RFX8: variants seen among roughly 807,000 people sequenced by gnomAD.
RFX8 encodes regulatory factor X8, also known as DNA-binding protein RFX8.
A neutral mutation model predicts 54.6 loss-of-function variants in RFX8; 46 were observed. The ratio of observed to expected loss-of-function variants is 0.84; its 90% CI spans 0.67 to 1.08. RFX8 has a LOEUF of 1.08. Ranked by LOEUF, RFX8 falls within the 50% of genes least tolerant of loss-of-function variation. The probability of loss-of-function intolerance (pLI) is 0.00; values close to 1 mark genes in which losing one functional copy is unlikely to be tolerated. For synonymous variants in RFX8, 192 were observed against 209.5 expected (o/e 0.92, Z 0.72); for missense variants, 536 against 562.3 (o/e 0.95, Z 0.47).
At position 101,422,259 on chromosome 2, in the gene RFX8, T is replaced by G. The variant is rs1686908885; in HGVS notation, c.183+103A>C. On this transcript the variant is annotated intron_variant, in intron 3 of 11. Transcript: ENST00000428343. ...ACGGGTCCAGCAAAGGCAAACATTA[T>G]TCCATGTGACACAATCATGACCACA... 6 of 682,334 alleles carry G rather than the reference T, an allele frequency of 8.8e-6. No homozygotes were observed. The South Asian group carries it at 1.1e-4, about 12-fold the overall frequency. The allele number at this position is 682,334 out of a possible 1,614,324, so 42.3% of individuals were successfully genotyped here.
chr2:101,406,056 G>C lies in RFX8; in HGVS notation c.815C>G (p.Thr272Arg). The C allele has an allele frequency of 6.5e-7, 1 of 1,529,576 alleles. No homozygotes were observed. Among genetic ancestry groups the C allele is most frequent in the Non-Finnish European group, 8.8e-7 (1 of 1,134,404 alleles). The allele number at this position is 1,529,576 out of a possible 1,614,324, so 94.8% of individuals were successfully genotyped here. ...GGTAAACTCTTCTTTGCTTCTGCTT[G>C]TCTGTTAAGTTTTTGTGAGAAAAAA... ...SSHLQAFVFQTSRSKEEFTKL... is the reference protein window; with the variant it reads ...SSHLQAFVFQRSRSKEEFTKL... The change falls in exon 10 of 12, where the codon ACA (threonine) becomes AGA (arginine). Residue 272 changes from threonine (T) to arginine (R), a missense_variant and splice_region_variant. Physicochemically the swap from Thr to Arg is moderately conservative, Grantham distance 71. Coordinates refer to ENST00000428343, the MANE Select transcript of RFX8 (RefSeq NM_001145664.2).
At chr2:101,414,577 C>T (rs545703352) in intron 7 of RFX8, among the ~76,000 whole-genome samples, 27 of 152,036 alleles carry the variant, frequency 1.8e-4, no homozygotes, top group Non-Finnish European at 2.6e-4. Context: ...GCCTGGCCAT[C>T]GGGCATCTTT....
At chr2:101,430,415 G>A (rs2104610112) in intron 2 of RFX8, among the ~76,000 whole-genome samples, 1 of 152,306 alleles carries the variant, frequency 6.6e-6, no homozygotes, top group East Asian at 1.9e-4. Flanking sequence ...GGTTAAATGA[G>A]ATCATAAGAA....
rs915726541 is a variant in RFX8, at chr2:101,410,545, C to A, written c.813+74G>T. On this transcript the variant is annotated intron_variant, in intron 9 of 11. Transcript: ENST00000428343. ...AGAGCCTAAGAAGCCTCTTTCCCAT[C>A]CCTTAGGCAATGGGCACTCATTTAT... is the stretch of plus-strand genomic sequence containing the variant. 6.5e-6 allele frequency: 5 copies of A among 771,994 alleles called. No homozygotes were observed. The East Asian group carries it at 1.1e-4, about 17-fold the overall frequency. The allele number at this position is 771,994 out of a possible 1,614,324, so 47.8% of individuals were successfully genotyped here. A position where few individuals can be genotyped will look rare whatever the true frequency, so the allele number is the denominator to read the frequency against.
chr2:101,407,552 C>T (rs1179636557), intron 9 of RFX8, among the ~76,000 whole-genome samples: 1 of 152,102 alleles, frequency 6.6e-6, no homozygotes, highest in African/African-American at 2.4e-5. Flanking sequence ...ATTAGCTGGG[C>T]AGGGTGGCAC....
intron 1 of RFX8, among the ~76,000 whole-genome samples, chr2:101,469,437 A>G (rs1453180378): frequency 6.6e-6 from 1 of 151,970 alleles, no homozygotes; most frequent in Non-Finnish European, 1.5e-5. Flanking sequence ...ACAGGCACAA[A>G]CCACTGCACC....
chr2:101,416,787 T>C (rs1440619241), intron 6 of RFX8, among the ~76,000 whole-genome samples: 1 of 152,134 alleles, frequency 6.6e-6, no homozygotes, highest in Admixed American at 6.5e-5. Flanking sequence ...TATAGGGAAC[T>C]GGACCAGCTG....
At chr2:101,467,075 C>T (rs1689613566) in intron 1 of RFX8, among the ~76,000 whole-genome samples, 175 bp from the exon 2 acceptor site, 1 of 152,182 alleles carries the variant, frequency 6.6e-6, no homozygotes, top group African/African-American at 2.4e-5. Context: ...ACCCGTTTGT[C>T]CTTAGGCCAG....
chr2:101,420,067 G>T (rs1049917777), intron 4 of RFX8, among the ~76,000 whole-genome samples: 2 of 152,034 alleles, frequency 1.3e-5, no homozygotes, highest in African/African-American at 4.8e-5. Flanking sequence ...CACCCTTGTC[G>T]CTTCTCACCT....
At chr2:101,440,829 A>C (rs2148958045) in intron 2 of RFX8, among the ~76,000 whole-genome samples, 1 of 152,318 alleles carries the variant, frequency 6.6e-6, no homozygotes, top group Admixed American at 6.5e-5. Flanking sequence ...TTACTCGAGA[A>C]AAAGAAAGGG....
intron 2 of RFX8, among the ~76,000 whole-genome samples, chr2:101,424,086 G>A (rs1687027702): frequency 6.6e-6 from 1 of 152,168 alleles, no homozygotes; most frequent in Non-Finnish European, 1.5e-5. Context: ...GAATGATGTA[G>A]GGGTATAGAT....
intron 8 of RFX8, among the ~76,000 whole-genome samples, chr2:101,411,158 CAGTT>C (rs1003638001): frequency 2.6e-5 from 4 of 152,226 alleles, no homozygotes; most frequent in African/African-American, 7.2e-5. Flanking sequence ...GTTATGCACT[CAGTT>C]AGGTGGAGCC....
chr2:101,446,524 C>T (rs1306881505), intron 2 of RFX8, among the ~76,000 whole-genome samples: 3 of 151,694 alleles, frequency 2.0e-5, no homozygotes, highest in African/African-American at 4.8e-5. Context: ...ATGAAAAGCA[C>T]CTGTTGCTGG....
At chr2:101,435,366 A>G (rs891619964) in intron 2 of RFX8, among the ~76,000 whole-genome samples, 3 of 152,246 alleles carry the variant, frequency 2.0e-5, no homozygotes, top group African/African-American at 4.8e-5. Context: ...CATATCCCCA[A>G]GGGAAACCTG....
At chr2:101,472,706 A>G (rs1245419306) in intron 1 of RFX8, among the ~76,000 whole-genome samples, 1 of 152,168 alleles carries the variant, frequency 6.6e-6, no homozygotes, top group South Asian at 2.1e-4. Flanking sequence ...AACAAAAAAA[A>G]TCTCATAATG....
intron 2 of RFX8, among the ~76,000 whole-genome samples, chr2:101,450,053 A>T (rs1688593833): frequency 6.6e-6 from 1 of 152,218 alleles, no homozygotes; most frequent in South Asian, 2.1e-4. Flanking sequence ...GAAATGAACC[A>T]GAAATGGATT....
intron 7 of RFX8, 91 bp from the exon 8 acceptor site, chr2:101,413,162 G>A: frequency 9.9e-7 from 1 of 1,010,762 alleles, no homozygotes; most frequent in Non-Finnish European, 1.5e-6. Context: ...TTTTTGTTGT[G>A]GGGGAGAAAG....
chr2:101,458,258 G>A (rs1015136703), intron 2 of RFX8, among the ~76,000 whole-genome samples: 4 of 152,282 alleles, frequency 2.6e-5, no homozygotes, highest in Non-Finnish European at 2.9e-5. Context: ...TCATTATGAC[G>A]TTAGCTGGTT....
chr2:101,415,807 C>T (rs1041638096), intron 6 of RFX8, among the ~76,000 whole-genome samples: 21 of 152,130 alleles, frequency 1.4e-4, no homozygotes, highest in Non-Finnish European at 2.2e-4. Flanking sequence ...TGCTCCCATG[C>T]GATGTGCGAG....
Sources: gnomAD v4.1 joint callset for allele counts (sites outside exome capture counted in the v4.1 genomes callset) on GRCh38, gnomAD v4.1.1 for gene constraint, MANE v1.5 for transcripts, NCBI Gene and HGNC (gene_info 2026-07-23, HGNC 2026-07-21) for gene names.